Variants in RGS6 observed in about 807,000 individuals in gnomAD.
RGS6 encodes the protein regulator of G-protein signaling 6.
RGS6 carries 30 observed loss-of-function variants against 78.5 expected under a neutral mutation model. The observed-to-expected ratio is 0.38, with a 90% CI of 0.29 to 0.52. The LOEUF (loss-of-function observed/expected upper bound fraction) is 0.52, where lower values mean the gene tolerates loss of function less well. Among genes scored for constraint, RGS6 ranks in the 20% least tolerant of loss-of-function variants. RGS6 has a pLI of 0.85. For synonymous variants in RGS6, 206 were observed against 206.0 expected (o/e 1.00, Z 0.00); for missense variants, 495 against 609.7 (o/e 0.81, Z 1.98).
intron 2 of RGS6, among the ~76,000 whole-genome samples, chr14:72,254,396 G>A (rs1373512564): frequency 6.6e-6 from 1 of 152,108 alleles, no homozygotes; most frequent in African/African-American, 2.4e-5. Flanking sequence ...CCTCTTGTGC[G>A]ATGGTTGGCT....
chr14:71,877,872 T>C, the RGS6 span, among the ~76,000 whole-genome samples: 1 of 152,226 alleles, frequency 6.6e-6, no homozygotes, highest in Non-Finnish European at 1.5e-5. Context: ...GGTGTGGATG[T>C]CTTTTCTGTT....
the RGS6 span, among the ~76,000 whole-genome samples, chr14:71,885,377 G>A: frequency 6.6e-6 from 1 of 152,164 alleles, no homozygotes; most frequent in Non-Finnish European, 1.5e-5. Context: ...ATAAAGACAT[G>A]TGACATTAAT....
chr14:72,053,079 C>CCTTCCTTCCTT (rs2093415407), intron 2 of RGS6, among the ~76,000 whole-genome samples: 4 of 17,028 alleles, frequency 2.3e-4, no homozygotes, highest in African/African-American at 1.4e-3. Flanking sequence ...CTCCCTCCCT[C>CCTTCCTTCCTT]CCTTCCTTCC....
At chr14:72,082,119 T>C (rs1390239992) in intron 2 of RGS6, among the ~76,000 whole-genome samples, 1 of 152,042 alleles carries the variant, frequency 6.6e-6, no homozygotes, top group Non-Finnish European at 1.5e-5. Context: ...AAGGAAATTC[T>C]AGGGGCTATT....
intron 2 of RGS6, among the ~76,000 whole-genome samples, chr14:72,125,774 T>C (rs1166284178): frequency 6.6e-6 from 1 of 152,170 alleles, no homozygotes; most frequent in African/African-American, 2.4e-5. Context: ...ATTGTTAGCA[T>C]GATCTGAGGG....
At chr14:72,257,666 T>A (rs949742367) in intron 2 of RGS6, among the ~76,000 whole-genome samples, 7 of 151,802 alleles carry the variant, frequency 4.6e-5, no homozygotes. Flanking sequence ...AAGAAAAAAA[T>A]AACAAAAAGT....
intron 2 of RGS6, among the ~76,000 whole-genome samples, chr14:72,153,049 C>G (rs369704176): frequency 2.0e-5 from 3 of 152,252 alleles, no homozygotes; most frequent in South Asian, 4.2e-4. Flanking sequence ...GACCCCTCCC[C>G]CAGTGTGCAG....
At chr14:72,426,411 T>C (rs985871925) in intron 3 of RGS6, among the ~76,000 whole-genome samples, 4 of 152,240 alleles carry the variant, frequency 2.6e-5, no homozygotes, top group African/African-American at 9.6e-5. Context: ...TAGGCCGTTG[T>C]TGGCCTGCAA....
intron 2 of RGS6, among the ~76,000 whole-genome samples, chr14:72,009,520 C>G (rs1355198701): frequency 1.3e-5 from 2 of 152,152 alleles, no homozygotes; most frequent in African/African-American, 4.8e-5. Flanking sequence ...CCTTGTCTGG[C>G]AAAGAGAAAA....
chr14:72,253,912 A>C (rs1026419311), intron 2 of RGS6, among the ~76,000 whole-genome samples: 1 of 152,204 alleles, frequency 6.6e-6, no homozygotes, highest in African/African-American at 2.4e-5. Context: ...TCTATCTGGC[A>C]TTACGTTTCG....
intron 3 of RGS6, among the ~76,000 whole-genome samples, chr14:72,445,634 C>A (rs1597621376): frequency 6.6e-6 from 1 of 152,272 alleles, no homozygotes. Flanking sequence ...TTAAAACATA[C>A]TGAATATACA....
Position 72,466,272 on chromosome 14 carries a change from G to A in RGS6, c.459+450G>A, listed in dbSNP as rs192806458. The stretch of plus-strand genomic sequence containing the variant: ...GGAAGTAGAACAACTGGAACTCTCC[G>A]CTTTGCTAGTGGTAATGCAAAATGG... On this transcript the variant is annotated intron_variant, in intron 7 of 17. Coordinates refer to ENST00000553525, the MANE Select transcript of RGS6 (RefSeq NM_001204424.2). Among the ~76,000 whole-genome samples the A allele has an allele frequency of 1.2e-3, 178 of 152,302 alleles. 1 individual carries two copies. The highest frequency in any genetic ancestry group is 3.6e-3 in the African/African-American group (151 of 41,564).
chr14:71,919,015 T>TC, the RGS6 span, among the ~76,000 whole-genome samples: 1 of 151,426 alleles, frequency 6.6e-6, no homozygotes, highest in Non-Finnish European at 1.5e-5. Flanking sequence ...AAAGTGATGC[T>TC]CCCAACAAAA....
At chr14:72,599,614 C>T in the RGS6 span, among the ~76,000 whole-genome samples, 3 of 127,884 alleles carry the variant, frequency 2.3e-5, no homozygotes, top group African/African-American at 5.9e-5. Flanking sequence ...TTAGTAGAGA[C>T]GGGGTTTTAC....
intron 2 of RGS6, among the ~76,000 whole-genome samples, chr14:72,290,398 CACA>C (rs2063374344): frequency 2.6e-5 from 4 of 152,218 alleles, no homozygotes; most frequent in Admixed American, 2.6e-4. Context: ...TCGATAGCTT[CACA>C]CCTAGCAGAT....
the RGS6 span, among the ~76,000 whole-genome samples, chr14:71,874,918 T>A: frequency 6.6e-6 from 1 of 152,252 alleles, no homozygotes; most frequent in South Asian, 2.1e-4. Flanking sequence ...TTTTTGTCTT[T>A]GGTTCTGTTT....
chr14:72,056,261 C>T (rs1032370039), intron 2 of RGS6, among the ~76,000 whole-genome samples: 4 of 152,220 alleles, frequency 2.6e-5, no homozygotes, highest in Non-Finnish European at 4.4e-5. Flanking sequence ...CTAGCCTTTG[C>T]TCTGTAAGCT....
chr14:72,098,876 C>T (rs1034871895), intron 2 of RGS6, among the ~76,000 whole-genome samples: 8 of 152,126 alleles, frequency 5.3e-5, no homozygotes, highest in African/African-American at 1.4e-4. Context: ...CTGCTAAGTG[C>T]GTAGAGCCCT....
chr14:72,374,071 CA>C, intron 3 of RGS6, among the ~76,000 whole-genome samples: 1 of 152,202 alleles, frequency 6.6e-6, no homozygotes, highest in South Asian at 2.1e-4. Flanking sequence ...TGAAACTGAA[CA>C]CCAACTGTAT....
Sources: allele counts gnomAD v4.1 joint callset (sites outside exome capture counted in the v4.1 genomes callset), GRCh38; gene constraint gnomAD v4.1.1; transcripts MANE v1.5; gene names NCBI Gene and HGNC (gene_info 2026-07-23, HGNC 2026-07-21).